MYH9: variants seen among roughly 807,000 people sequenced by gnomAD.
MYH9 encodes myosin-9.
MYH9 carries 29 observed loss-of-function variants against 241.9 expected under a neutral mutation model. The ratio of observed to expected loss-of-function variants is 0.12; its 90% CI spans 0.09 to 0.16. The LOEUF (loss-of-function observed/expected upper bound fraction) is 0.16. Among genes scored for constraint, MYH9 ranks in the 10% least tolerant of loss-of-function variants. MYH9 has a pLI of 1.00. For missense variants in MYH9, 1,803 were observed against 2,595.5 expected (o/e 0.69, Z 6.63); for synonymous variants, 1,047 against 1,062.6 (o/e 0.99, Z 0.29).
At chr22:36,284,328 C>T in intron 39 of MYH9, 63 bp from the exon 40 acceptor site, 1 of 1,604,340 alleles carries the variant, frequency 6.2e-7, no homozygotes. Context: ...AGCCAGTCAG[C>T]CCCACTGCCC....
Position 36,282,314 on chromosome 22 carries a change from T to G in MYH9, c.*354A>C, listed in dbSNP as rs1259040679. 4 of 437,676 alleles carry G rather than the reference T, an allele frequency of 9.1e-6. No individual in the cohort carries two copies. Among genetic ancestry groups the G allele is most frequent in the African/African-American group, 7.8e-5 (4 of 51,158 alleles). The allele number at this position is 437,676 out of a possible 1,614,324, so 27.1% of individuals were successfully genotyped here. A position where few individuals can be genotyped will look rare whatever the true frequency, so the allele number is the denominator to read the frequency against. ...GGCCTCAGTCTGAAGAAAAATAGAT[T>G]CATAGAAAACTCTGGCCCCTCCCCG... On this transcript the variant is annotated 3_prime_UTR_variant, in exon 41 of 41. Coordinates refer to ENST00000216181, the MANE Select transcript of MYH9 (RefSeq NM_002473.6).
chr22:36,285,046 G>C lies in MYH9; in HGVS notation c.5483+75C>G, dbSNP rs543209448. ...GAGACAGAGAGCTGGTTGTGGCCCA[G>C]ATTTGGGCAGGACTGCAGGGGGGCC... On this transcript the variant is annotated intron_variant, in intron 38 of 40. Transcript: ENST00000216181. The surrounding 1 kb of genome is among the most constrained non-coding windows in gnomAD (Gnocchi z 7.0). The C allele has an allele frequency of 2.2e-4, 311 of 1,395,434 alleles. 6 individuals are homozygous for C. In the South Asian group the frequency reaches 3.0e-3, roughly 14 times the overall value. 86.4% of individuals were successfully genotyped at this position (1,395,434 alleles called of 1,614,324 possible). A position where few individuals can be genotyped will look rare whatever the true frequency, so the allele number is the denominator to read the frequency against.
At position 36,300,058 on chromosome 22, in the gene MYH9, C is replaced by T. The variant is rs2016850168; in HGVS notation, c.2976+69G>A. 3.8e-6 allele frequency: 6 copies of T among 1,595,154 alleles called. No homozygotes were observed. Among genetic ancestry groups the T allele is most frequent in the Middle Eastern group, 1.7e-4 (1 of 6,030 alleles). On this transcript the variant is annotated intron_variant, in intron 23 of 40. Coordinates refer to ENST00000216181, the MANE Select transcript of MYH9 (RefSeq NM_002473.6). The surrounding 1 kb of genome is among the most constrained non-coding windows in gnomAD (Gnocchi z 5.0). ...AGCAGCAGCGGGGAGCCAGGCCCTGCAAGGGTGACCACACTCTCCCATCCA... is the reference window on the plus strand; with the variant it reads ...AGCAGCAGCGGGGAGCCAGGCCCTGTAAGGGTGACCACACTCTCCCATCCA...
At chr22:36,371,513 A>C (rs1251198533) in intron 1 of MYH9, among the ~76,000 whole-genome samples, 2 of 152,154 alleles carry the variant, frequency 1.3e-5, no homozygotes, top group Non-Finnish European at 2.9e-5. Flanking sequence ...ACTTCATCAT[A>C]GCAGCCTGAG....
chr22:36,332,661 T>TAAAAAAAAA (rs67602880), intron 3 of MYH9, among the ~76,000 whole-genome samples: 4 of 44,504 alleles, frequency 9.0e-5, no homozygotes, highest in African/African-American at 3.0e-4. Flanking sequence ...TCTGGATAAT[T>TAAAAAAAAA]AAAAAAAAAA....
At chr22:36,337,120 A>G (rs1342628761) in intron 3 of MYH9, among the ~76,000 whole-genome samples, 2 of 151,872 alleles carry the variant, frequency 1.3e-5, no homozygotes, top group Non-Finnish European at 2.9e-5. Context: ...ACTAATCTGC[A>G]ATGCTTAGTC....
chr22:36,293,630 G>T lies in MYH9; in HGVS notation c.3942+129C>A. On this transcript the variant is annotated intron_variant, in intron 29 of 40. Coordinates refer to ENST00000216181, the MANE Select transcript of MYH9 (RefSeq NM_002473.6). The surrounding 1 kb of genome is among the most constrained non-coding windows in gnomAD (Gnocchi z 5.1). ...CTGGAGGGAGCTGGGAGGACGCAGA[G>T]ACCCACCCACAGGATGAAGCAGATG... The T allele has an allele frequency of 7.5e-7, 1 of 1,339,868 alleles. No individual in the cohort carries two copies. Among genetic ancestry groups the T allele is most frequent in the Non-Finnish European group, 1.1e-6 (1 of 948,330 alleles). The allele number at this position is 1,339,868 out of a possible 1,614,324, so 83.0% of individuals were successfully genotyped here.
In MYH9 at chr22:36,296,854, G is replaced by A. The variant is rs915816701; in HGVS notation, c.3261C>T (p.Ala1087=). 7 of 1,610,628 alleles carry A rather than the reference G, an allele frequency of 4.3e-6. No individual in the cohort carries two copies. The highest frequency in any genetic ancestry group is 1.1e-5 in the South Asian group (1 of 90,960). The stretch of plus-strand genomic sequence containing the variant: ...GGCGGGGTCCTCACCTGGCCAGGGC[G>A]GCCTGGAGCTCCTCCTCTTTCTTGG... ...QLAKKEEELQ[A]ALARVEEEAA... is the part of the protein sequence containing the mutation. Residue 1087 remains alanine, a synonymous_variant, in exon 25 of 41, where the codon GCC becomes GCT. Coordinates refer to ENST00000216181, the MANE Select transcript of MYH9 (RefSeq NM_002473.6).
rs752546908 is a variant in MYH9 at position 36,293,508 on chromosome 22, G to T, written c.3943-27C>A. 11 of 1,610,806 alleles carry T rather than the reference G, an allele frequency of 6.8e-6. No homozygotes were observed. In the African/African-American group the frequency reaches 1.3e-4, roughly 20 times the overall value. ...TACTCGCGGGTTGAGAGGGGTGCGG[G>T]TGCTTAGGAGGGTGGTGTCCAAAAC... On this transcript the variant is annotated intron_variant, in intron 29 of 40. Coordinates refer to ENST00000216181, the MANE Select transcript of MYH9 (RefSeq NM_002473.6). This position sits in a 1 kb window ranked among gnomAD's most constrained non-coding sequence, Gnocchi z 5.1.
intron 1 of MYH9, among the ~76,000 whole-genome samples, chr22:36,386,589 A>G (rs571116912): frequency 2.8e-3 from 429 of 152,254 alleles, no homozygotes; most frequent in Non-Finnish European, 5.1e-3. Flanking sequence ...GGCGCAGTGA[A>G]CCGAGAAGTG....
intron 2 of MYH9, among the ~76,000 whole-genome samples, chr22:36,346,686 T>C (rs1425480164): frequency 6.6e-6 from 1 of 152,202 alleles, no homozygotes; most frequent in Non-Finnish European, 1.5e-5. Flanking sequence ...GACTGCACCC[T>C]TGACCCCCTG....
chr22:36,307,888 CAA>C (rs1402314098), intron 15 of MYH9, among the ~76,000 whole-genome samples: 34 of 104,848 alleles, frequency 3.2e-4, no homozygotes, highest in Non-Finnish European at 3.2e-4. Context: ...AACTCTGTCT[CAA>C]AAAAAAAAAA....
intron 14 of MYH9, 85 bp downstream of exon 14, chr22:36,311,964 G>A: frequency 1.3e-6 from 2 of 1,561,994 alleles, no homozygotes; most frequent in Non-Finnish European, 1.8e-6. Context: ...GTCCCCAGCA[G>A]CTGCCCGGCT....
intron 5 of MYH9, chr22:36,324,901 A>G: frequency 1.7e-6 from 1 of 598,494 alleles, no homozygotes; most frequent in Non-Finnish European, 3.0e-6. Flanking sequence ...CTTCCCCTCT[A>G]CAACAGGAAC....
intron 1 of MYH9, among the ~76,000 whole-genome samples, chr22:36,386,708 G>T (rs936893050): frequency 6.6e-6 from 1 of 151,920 alleles, no homozygotes; most frequent in Non-Finnish European, 1.5e-5. Context: ...CGCTCACCCT[G>T]CCCCCCACCA....
At chr22:36,366,641 G>A (rs1487727689) in intron 1 of MYH9, among the ~76,000 whole-genome samples, 2 of 152,176 alleles carry the variant, frequency 1.3e-5, no homozygotes, top group Admixed American at 1.3e-4. Context: ...AAGAACGAAA[G>A]AGGAGCCCAC....
Position 36,300,804 on chromosome 22 carries a change from C to T in MYH9, c.2838+47G>A, listed in dbSNP as rs930470240. 4 of 1,594,620 alleles carry T rather than the reference C, an allele frequency of 2.5e-6. No homozygotes were observed. Among genetic ancestry groups the T allele is most frequent in the Non-Finnish European group, 1.7e-6 (2 of 1,176,604 alleles). Reference sequence around the variant, plus strand: ...TCCTGGTTCCTGCTCCTCCGCCCCGCCCTGCCCCTCCGGCGCCACCCCTCC... The same window carrying T: ...TCCTGGTTCCTGCTCCTCCGCCCCGTCCTGCCCCTCCGGCGCCACCCCTCC... On this transcript the variant is annotated intron_variant, in intron 22 of 40. Transcript: ENST00000216181. This position sits in a 1 kb window ranked among gnomAD's most constrained non-coding sequence, Gnocchi z 5.0.
At chr22:36,286,604 C>T in intron 35 of MYH9, 114 bp downstream of exon 35, 5 of 1,481,082 alleles carry the variant, frequency 3.4e-6, no homozygotes, top group Non-Finnish European at 4.6e-6. Context: ...GAGCCATCCC[C>T]AGCCAATTCC....
rs962934818 is a variant in MYH9 at position 36,293,753 on chromosome 22, C to A, written c.3942+6G>T. On this transcript the variant is annotated splice_donor_region_variant and intron_variant, in intron 29 of 40. Transcript: ENST00000216181. This position sits in a 1 kb window ranked among gnomAD's most constrained non-coding sequence, Gnocchi z 5.1. ...CCACCTTCTGGGAACCTGGCGCCACCCCTACCTGAGTGTCCTGCAGCTGGG... is the reference window on the plus strand; with the variant it reads ...CCACCTTCTGGGAACCTGGCGCCACACCTACCTGAGTGTCCTGCAGCTGGG... 10 of 1,613,198 alleles carry A rather than the reference C, an allele frequency of 6.2e-6. No individual in the cohort carries two copies. The highest frequency in any genetic ancestry group is 5.1e-6 in the Non-Finnish European group (6 of 1,179,758).
Sources: gnomAD v4.1 joint callset for allele counts (sites outside exome capture counted in the v4.1 genomes callset) on GRCh38, gnomAD v4.1.1 for gene constraint, Gnocchi (gnomAD v3.1) non-coding constraint, MANE v1.5 for transcripts, NCBI Gene and HGNC (gene_info 2026-07-23, HGNC 2026-07-21) for gene names.